MAML1: variants seen among roughly 807,000 people sequenced by gnomAD.
MAML1 encodes the protein mastermind like transcriptional coactivator 1.
Under a neutral mutation model 77.1 loss-of-function variants are expected in MAML1, and 14 were observed. The observed-to-expected ratio is 0.18, with a 90% CI of 0.12 to 0.28. MAML1 has a LOEUF of 0.28. MAML1 is among the 10% of genes least tolerant of loss of function. The pLI is 1.00. For synonymous variants in MAML1, 516 were observed against 551.9 expected (o/e 0.93, Z 0.91); for missense variants, 1,217 against 1,327.8 (o/e 0.92, Z 1.30).
At chr5:179,770,970 C>T (rs1175374829) in intron 3 of MAML1, 177 bp from the exon 4 acceptor site, 6 of 563,928 alleles carry the variant, frequency 1.1e-5, no homozygotes, top group Non-Finnish European at 1.9e-5. Context: ...AGTCATTGCT[C>T]CCTAGATCTG....
At chr5:179,760,681 C>CT (rs1779707824) in intron 1 of MAML1, among the ~76,000 whole-genome samples, 1 of 151,984 alleles carries the variant, frequency 6.6e-6, no homozygotes, top group Non-Finnish European at 1.5e-5. Flanking sequence ...GGGGAGAGGA[C>CT]TGTACTATTT....
chr5:179,744,661 G>A (rs2113342381), intron 1 of MAML1, among the ~76,000 whole-genome samples: 1 of 151,584 alleles, frequency 6.6e-6, no homozygotes, highest in South Asian at 2.1e-4. Flanking sequence ...AGCCTCCCGA[G>A]TAGCTACCAT....
rs1450995545 is a variant in MAML1, at chr5:179,776,891, T to G, written c.*2014T>G. 1.1e-5 allele frequency: 11 copies of G among 985,816 alleles called. No individual in the cohort carries two copies. Among genetic ancestry groups the G allele is most frequent in the Non-Finnish European group, 1.3e-5 (11 of 829,970 alleles). 61.1% of individuals were successfully genotyped at this position (985,816 alleles called of 1,614,324 possible). ...GGTTTTCGGGAGTCAGGGGAGGAGA[T>G]GACTTTGCTTCTGTGCACAGCCCCG... is the stretch of plus-strand genomic sequence containing the variant. On this transcript the variant is annotated 3_prime_UTR_variant, in exon 5 of 5. Transcript: ENST00000292599.
In MAML1 at chr5:179,766,132, A is replaced by G. The variant is rs750426921; in HGVS notation, c.1122A>G (p.Gln374=). ...CATCAGCCCAGGCCCAGAACGCACA[A>G]AGAGCCCTTGCAGGTGTGGTATTGC... ...MPASAQAQNA[Q]RALAGVVLPS... The change falls in exon 2 of 5, where the codon CAA becomes CAG. Residue 374 remains glutamine (Q), a synonymous_variant. Transcript: ENST00000292599. The surrounding 1 kb of genome is among the most constrained non-coding windows in gnomAD (Gnocchi z 4.0). The G allele has an allele frequency of 1.3e-6, 2 of 1,574,930 alleles. No individual in the cohort carries two copies. The highest frequency in any genetic ancestry group is 2.3e-5 in the South Asian group (2 of 85,162).
At position 179,769,142 on chromosome 5, in the gene MAML1, G is replaced by A. The variant is rs569944193; in HGVS notation, c.1971+53G>A. On this transcript the variant is annotated intron_variant, in intron 3 of 4. Coordinates refer to ENST00000292599, the MANE Select transcript of MAML1 (RefSeq NM_014757.5). The surrounding 1 kb of genome is among the most constrained non-coding windows in gnomAD (Gnocchi z 4.2). Reference sequence around the variant, plus strand: ...CGCTTCCCACCTTTGCCTGCACCCTGCGTCACTGCTACAGTCACACCTTCT... The same window carrying A: ...CGCTTCCCACCTTTGCCTGCACCCTACGTCACTGCTACAGTCACACCTTCT... 5 of 1,602,840 alleles carry A rather than the reference G, an allele frequency of 3.1e-6. No homozygotes were observed. The East Asian group carries it at 1.1e-4, about 36-fold the overall frequency.
chr5:179,745,186 T>C (rs1779355368), intron 1 of MAML1, among the ~76,000 whole-genome samples: 1 of 151,864 alleles, frequency 6.6e-6, no homozygotes, highest in Non-Finnish European at 1.5e-5. Flanking sequence ...ATTACAGGCG[T>C]GAGCCACCGT....
At chr5:179,757,561 C>T (rs1009882971) in intron 1 of MAML1, among the ~76,000 whole-genome samples, 1 of 151,482 alleles carries the variant, frequency 6.6e-6, no homozygotes, top group Non-Finnish European at 1.5e-5. Context: ...GAGTGAGACT[C>T]CTCTCAAAAA....
Position 179,774,067 on chromosome 5 carries a change from C to T in MAML1, c.2241C>T (p.Gly747=), listed in dbSNP as rs558490013. Residue 747 remains glycine (G), a synonymous_variant, in exon 5 of 5, where the codon GGC becomes GGT. Coordinates refer to ENST00000292599, the MANE Select transcript of MAML1 (RefSeq NM_014757.5). ...QQDRGVAQFP[G]SQNMPQSSLY... is the part of the protein sequence containing the mutation. The stretch of plus-strand genomic sequence containing the variant: ...ACCGGGGTGTGGCTCAGTTCCCTGG[C>T]TCCCAAAACATGCCTCAGAGCAGCC... 1.2e-6 allele frequency: 2 copies of T among 1,614,096 alleles called. No homozygotes were observed. The highest frequency in any genetic ancestry group is 1.7e-6 in the Non-Finnish European group (2 of 1,180,036).
At chr5:179,759,359 C>G (rs1247845212) in intron 1 of MAML1, among the ~76,000 whole-genome samples, 1 of 152,138 alleles carries the variant, frequency 6.6e-6, no homozygotes, top group African/African-American at 2.4e-5. Context: ...TGCTCATCCT[C>G]TAGGGTTGTT....
In MAML1 at chr5:179,776,384, C is replaced by A; in HGVS notation, c.*1507C>A. The A allele has an allele frequency of 2.0e-6, 2 of 985,880 alleles. No individual in the cohort carries two copies. Among genetic ancestry groups the A allele is most frequent in the South Asian group, 9.4e-5 (2 of 21,292 alleles). The allele number at this position is 985,880 out of a possible 1,614,324, so 61.1% of individuals were successfully genotyped here. On this transcript the variant is annotated 3_prime_UTR_variant, in exon 5 of 5. Transcript: ENST00000292599. ...GTGAGGGGACGAGAGGTTGTACACACATTGGTAGTTATTTTGCACCAGCAG... is the reference window on the plus strand; with the variant it reads ...GTGAGGGGACGAGAGGTTGTACACAAATTGGTAGTTATTTTGCACCAGCAG...
intron 1 of MAML1, among the ~76,000 whole-genome samples, chr5:179,757,266 A>G (rs1199119219): frequency 1.3e-5 from 2 of 151,974 alleles, no homozygotes; most frequent in South Asian, 2.1e-4. Flanking sequence ...AAAAGTTGGT[A>G]TTAGAATTAT....
chr5:179,763,087 C>T (rs945349804), intron 1 of MAML1, among the ~76,000 whole-genome samples: 1 of 152,204 alleles, frequency 6.6e-6, no homozygotes, highest in African/African-American at 2.4e-5. Context: ...TTCCATCTTT[C>T]TTTTTCCCCT....
Position 179,767,011 on chromosome 5 carries a change from T to C in MAML1, c.1731+270T>C, listed in dbSNP as rs149034836. 1.8e-4 allele frequency among the ~76,000 whole-genome samples: 27 copies of C among 152,316 alleles called. No homozygotes were observed. In the East Asian group the frequency reaches 4.6e-3, roughly 26 times the overall value. ...ACCTGCATTTAGTCCACTGTCTCTT[T>C]CGTGCCGTAGGATTTAAATTAAGTA... On this transcript the variant is annotated intron_variant, in intron 2 of 4. Coordinates refer to ENST00000292599, the MANE Select transcript of MAML1 (RefSeq NM_014757.5).
chr5:179,752,350 A>AAAAAAAAAATAT (rs1554150144), intron 1 of MAML1, among the ~76,000 whole-genome samples: 15 of 66,714 alleles, frequency 2.2e-4, no homozygotes, highest in African/African-American at 9.5e-4. Context: ...AAAAAAAAAA[A>AAAAAAAAAATAT]ATATATATAT....
chr5:179,752,073 ATCCC>A (rs1345334796), intron 1 of MAML1, among the ~76,000 whole-genome samples: 7 of 151,964 alleles, frequency 4.6e-5, no homozygotes, highest in Non-Finnish European at 1.0e-4. Flanking sequence ...CACACCTGTA[ATCCC>A]AGCACTTTGG....
chr5:179,746,826 T>G (rs1349533369), intron 1 of MAML1, among the ~76,000 whole-genome samples: 1 of 152,268 alleles, frequency 6.6e-6, no homozygotes, highest in Non-Finnish European at 1.5e-5. Context: ...CAAAAGGATT[T>G]ATCTAGTCAT....
intron 2 of MAML1, among the ~76,000 whole-genome samples, chr5:179,767,536 TAAAAG>T (rs76007005): frequency 0.45 from 68,762 of 151,512 alleles, 16,748 homozygotes; most frequent in South Asian, 0.61. Context: ...TAATCCAAAA[TAAAAG>T]AAAAAGTTAT....
chr5:179,769,051 C>G lies in MAML1; in HGVS notation c.1933C>G (p.Gln645Glu). The part of the protein sequence containing the change: ...EQQQKHLQQQ[Q>E]FLQRQQHLLA... ...GCAGCAAAAGCATTTACAGCAACAG[C>G]AGTTCCTTCAGAGGCAACAGCACCT... Residue 645 changes from glutamine to glutamate, a missense_variant, in exon 3 of 5, where the codon CAG becomes GAG. Gln to Glu is a conservative substitution (Grantham distance 29). This residue lies in a region of MAML1 where 884 missense variants were observed against 949.3 expected (regional missense o/e 0.93). Transcript: ENST00000292599. This position sits in a 1 kb window ranked among gnomAD's most constrained non-coding sequence, Gnocchi z 4.2. 1 of 1,614,226 alleles carries G rather than the reference C, an allele frequency of 6.2e-7. No individual in the cohort carries two copies. Among genetic ancestry groups the G allele is most frequent in the Non-Finnish European group, 8.5e-7 (1 of 1,180,050 alleles).
At chr5:179,773,090 G>A (rs571880287) in intron 4 of MAML1, among the ~76,000 whole-genome samples, 41 of 152,192 alleles carry the variant, frequency 2.7e-4, no homozygotes, top group African/African-American at 9.2e-4. Context: ...TCACTATGTT[G>A]GCCAGGATGG....
Sources: gnomAD v4.1 joint callset for allele counts (sites outside exome capture counted in the v4.1 genomes callset) on GRCh38, gnomAD v4.1.1 for gene constraint, gnomAD v4.1.1 regional missense constraint, Gnocchi (gnomAD v3.1) non-coding constraint, MANE v1.5 for transcripts, NCBI Gene and HGNC (gene_info 2026-07-23, HGNC 2026-07-21) for gene names.